HOXA3: variants seen among roughly 807,000 people sequenced by gnomAD.
HOXA3 encodes the protein homeobox protein Hox-A3.
In HOXA3, 8 loss-of-function variants were observed where a neutral mutation model predicts 30.3. The ratio of observed to expected loss-of-function variants is 0.26; its 90% CI spans 0.15 to 0.48. HOXA3 has a LOEUF of 0.48. Among genes scored for constraint, HOXA3 ranks in the 20% least tolerant of loss-of-function variants. The pLI is 0.99. For missense variants in HOXA3, 653 were observed against 614.4 expected, an observed-to-expected ratio of 1.06 and a Z score of -0.66; for synonymous variants, 323 against 273.1, an observed-to-expected ratio of 1.18 and a Z score of -1.80.
At chr7:27,121,220 C>CGTGTGTGTGTGTGTGTGTGT (rs142198002) in intron 4 of HOXA3, 1 of 137,846 alleles carries the variant, frequency 7.3e-6, no homozygotes, top group East Asian at 2.1e-4. Context: ...CCACTGTGTG[C>CGTGTGTGTGTGTGTGTGTGT]GTGTGTGTGT....
chr7:27,145,531 C>G (rs1782727254), intron 1 of HOXA3: 2 of 1,129,856 alleles, frequency 1.8e-6, no homozygotes, highest in South Asian at 3.0e-5. Flanking sequence ...TGCAAAGCTC[C>G]GGGCTCCCCT....
intron 1 of HOXA3, chr7:27,143,193 T>C (rs1246394215): frequency 1.2e-6 from 2 of 1,611,300 alleles, no homozygotes; most frequent in Middle Eastern, 1.8e-4. Flanking sequence ...CCCTCTCTGC[T>C]GCTGATGTGG....
chr7:27,123,535 G>T (rs1344195428), intron 3 of HOXA3: 2 of 152,620 alleles, frequency 1.3e-5, no homozygotes, highest in Non-Finnish European at 1.5e-5. Context: ...TCGTCCGCTC[G>T]CCGGACCCTG....
chr7:27,125,644 G>A (rs1785251209), intron 3 of HOXA3, among the ~76,000 whole-genome samples: 1 of 152,276 alleles, frequency 6.6e-6, no homozygotes, highest in Non-Finnish European at 1.5e-5. Context: ...AGGTGAGCCT[G>A]TGTTCTGCTA....
rs909747697 is a variant in HOXA3, at chr7:27,113,700, G to A, written c.-120-2940C>T. 21 of 152,396 alleles carry A rather than the reference G, an allele frequency of 1.4e-4. No homozygotes were observed. The highest frequency in any genetic ancestry group is 5.1e-4 in the African/African-American group (21 of 41,580). 9.4% of individuals were successfully genotyped at this position (152,396 alleles called of 1,614,324 possible). A position where few individuals can be genotyped will look rare whatever the true frequency, so the allele number is the denominator to read the frequency against. On this transcript the variant is annotated intron_variant, in intron 4 of 5. Coordinates refer to ENST00000612286, the MANE Select transcript of HOXA3 (RefSeq NM_153631.3). This position sits in a 1 kb window ranked among gnomAD's most constrained non-coding sequence, Gnocchi z 4.8. The stretch of plus-strand genomic sequence containing the variant: ...GGCCCCCGGCCTGGCTTGGCGGCCC[G>A]GCCGGGTCCCCTCGGCGCGGGATGG...
intron 2 of HOXA3, chr7:27,129,127 A>G (rs1404783451): frequency 2.5e-6 from 2 of 815,744 alleles, no homozygotes; most frequent in East Asian, 4.8e-5. Flanking sequence ...TTTGGTGTCT[A>G]TTATGGTCCA....
intron 1 of HOXA3, chr7:27,143,549 T>C: frequency 6.2e-7 from 1 of 1,611,328 alleles, no homozygotes; most frequent in South Asian, 1.1e-5. Flanking sequence ...ATTATGCAAC[T>C]GGTAGTCCGG....
At chr7:27,142,732 G>C (rs1782618130) in intron 1 of HOXA3, 1 of 371,282 alleles carries the variant, frequency 2.7e-6, no homozygotes, top group African/African-American at 2.1e-5. Context: ...CTACCTCTCT[G>C]CGCCTTGCTC....
rs1474189685 is a variant in HOXA3 at position 27,130,876 on chromosome 7, C to T, written c.-389-3806G>A. On this transcript the variant is annotated intron_variant, in intron 2 of 5. Transcript: ENST00000612286. ...TCCCCCCGCTGTCAAGTGCCCACTC[C>T]TCCCCCTCCCGCAGACGCCGCCACC... The T allele has an allele frequency of 4.9e-6, 4 of 816,644 alleles. No individual in the cohort carries two copies. In the Admixed American group the frequency reaches 6.2e-5, roughly 13 times the overall value. The allele number at this position is 816,644 out of a possible 1,614,324, so 50.6% of individuals were successfully genotyped here. A position where few individuals can be genotyped will look rare whatever the true frequency, so the allele number is the denominator to read the frequency against.
chr7:27,114,037 G>A lies in HOXA3; in HGVS notation c.-120-3277C>T, dbSNP rs1489972647. 2.6e-5 allele frequency: 4 copies of A among 151,976 alleles called. No homozygotes were observed. The South Asian group carries it at 8.3e-4, about 32-fold the overall frequency. 9.4% of individuals were successfully genotyped at this position (151,976 alleles called of 1,614,324 possible). ...TTACACGCGGAGCAGCGTCTGGTCC[G>A]GGGGTGCGGTGGGGGGTGTTGGGGC... On this transcript the variant is annotated intron_variant, in intron 4 of 5. Transcript: ENST00000612286.
At position 27,152,498 on chromosome 7, in the gene HOXA3, C is replaced by G. The variant is rs1467691393; in HGVS notation, c.-704G>C. On this transcript the variant is annotated 5_prime_UTR_variant, in exon 1 of 6. Coordinates refer to ENST00000612286, the MANE Select transcript of HOXA3 (RefSeq NM_153631.3). Reference sequence around the variant, plus strand: ...CTGGCCTGGCCGGGGCTTCCCTTCGCTCGCCATCTCCGGACAAAGCACAGC... The same window carrying G: ...CTGGCCTGGCCGGGGCTTCCCTTCGGTCGCCATCTCCGGACAAAGCACAGC... 8.6e-7 allele frequency: 1 copy of G among 1,168,086 alleles called. No homozygotes were observed. The highest frequency in any genetic ancestry group is 1.6e-5 in the African/African-American group (1 of 61,444). 72.4% of individuals were successfully genotyped at this position (1,168,086 alleles called of 1,614,324 possible).
chr7:27,108,349 G>A lies in HOXA3; in HGVS notation c.898C>T (p.Pro300Ser), dbSNP rs373966754. The A allele has an allele frequency of 5.3e-6, 8 of 1,516,108 alleles. No individual in the cohort carries two copies. In the African/African-American group the frequency reaches 5.5e-5, roughly 10 times the overall value. The allele number at this position is 1,516,108 out of a possible 1,614,324, so 93.9% of individuals were successfully genotyped here. Residue 300 changes from proline (P) to serine (S), a missense_variant, in exon 6 of 6, where the codon CCC becomes TCC. Pro to Ser is a moderately conservative substitution (Grantham distance 74). Transcript: ENST00000612286. The surrounding 1 kb of genome is among the most constrained non-coding windows in gnomAD (Gnocchi z 5.0). ...EPQSPPPFSKPPQGTYGLPPA... is the reference protein window; with the variant it reads ...EPQSPPPFSKSPQGTYGLPPA... ...GGCAGCCCGTAGGTACCCTGGGGGGGCTTGGAGAAGGGCGGGGGCGACTGG... is the reference window on the plus strand; with the variant it reads ...GGCAGCCCGTAGGTACCCTGGGGGGACTTGGAGAAGGGCGGGGGCGACTGG...
chr7:27,125,933 G>A (rs1414668000), intron 3 of HOXA3, among the ~76,000 whole-genome samples: 1 of 152,194 alleles, frequency 6.6e-6, no homozygotes, highest in Non-Finnish European at 1.5e-5. Context: ...CCATAGGGAG[G>A]AGGCTGAGAT....
intron 4 of HOXA3, among the ~76,000 whole-genome samples, chr7:27,111,518 G>C (rs941156456): frequency 4.0e-5 from 6 of 150,816 alleles, no homozygotes; most frequent in Non-Finnish European, 7.4e-5. Context: ...GTGTGTTTAG[G>C]GTGAGGGACC....
In HOXA3 at chr7:27,128,893, C is replaced by G. The variant is rs4722661; in HGVS notation, c.-389-1823G>C. The G allele has an allele frequency of 0.96, 336,403 of 350,990 alleles. 161,343 individuals are homozygous for G. The highest frequency in any genetic ancestry group is 1 in the East Asian group (16,770 of 16,808). 21.7% of individuals were successfully genotyped at this position (350,990 alleles called of 1,614,324 possible). ...ACAAAGATGCAAGTGTATGTCCCCA[C>G]TCAGCATGGGCTGTCCAGCTAGCTG... On this transcript the variant is annotated intron_variant, in intron 2 of 5. Coordinates refer to ENST00000612286, the MANE Select transcript of HOXA3 (RefSeq NM_153631.3).
rs1583412168 is a variant in HOXA3, at chr7:27,107,209, T to G, written c.*706A>C. The G allele has an allele frequency of 1.3e-5, 2 of 152,242 alleles. No individual in the cohort carries two copies. Among genetic ancestry groups the G allele is most frequent in the East Asian group, 3.9e-4 (2 of 5,178 alleles). The allele number at this position is 152,242 out of a possible 1,614,324, so 9.4% of individuals were successfully genotyped here. A position where few individuals can be genotyped will look rare whatever the true frequency, so the allele number is the denominator to read the frequency against. On this transcript the variant is annotated 3_prime_UTR_variant, in exon 6 of 6. Transcript: ENST00000612286. ...ATTGTATCGTTACCGTTTAAAGGAA[T>G]TATATTTCTCTTTCAAATAAAAAAA... is the stretch of plus-strand genomic sequence containing the variant.
chr7:27,139,390 C>T (rs1475971891), intron 2 of HOXA3, among the ~76,000 whole-genome samples: 1 of 152,170 alleles, frequency 6.6e-6, no homozygotes, highest in Admixed American at 6.5e-5. Flanking sequence ...GCGCTAGCAG[C>T]CCAGGATCCA....
intron 1 of HOXA3, chr7:27,149,910 T>C (rs1057452326): frequency 6.6e-6 from 1 of 152,242 alleles, no homozygotes; most frequent in Non-Finnish European, 1.5e-5. Flanking sequence ...GATTTCCTTT[T>C]CATTCCGCCA....
chr7:27,149,009 C>T (rs1416908490), intron 1 of HOXA3, among the ~76,000 whole-genome samples: 2 of 152,266 alleles, frequency 1.3e-5, no homozygotes. Context: ...TGCCGCCCCT[C>T]AGTCGCTCCG....
Sources: allele counts gnomAD v4.1 joint callset (sites outside exome capture counted in the v4.1 genomes callset), GRCh38; gene constraint gnomAD v4.1.1; non-coding constraint Gnocchi (gnomAD v3.1); transcripts MANE v1.5; gene names NCBI Gene and HGNC (gene_info 2026-07-23, HGNC 2026-07-21).